GRK1: variants seen among roughly 807,000 people sequenced by gnomAD.
GRK1 encodes the protein G protein-coupled receptor kinase 1, also known as rhodopsin kinase GRK1.
GRK1 carries 28 observed loss-of-function variants against 41.7 expected under a neutral mutation model. The observed-to-expected ratio is 0.67, with a 90% CI of 0.50 to 0.92. The LOEUF is 0.92. Among genes scored for constraint, GRK1 ranks in the 40% least tolerant of loss-of-function variants. GRK1 has a pLI of 0.00. For missense variants in GRK1, 703 were observed against 671.2 expected (o/e 1.05, Z -0.52); for synonymous variants, 327 against 286.7 (o/e 1.14, Z -1.42).
chr13:113,725,214 A>G (rs1165116523), intron 4 of GRK1, among the ~76,000 whole-genome samples: 1 of 152,210 alleles, frequency 6.6e-6, no homozygotes, highest in African/African-American at 2.4e-5. Flanking sequence ...CACCACAGCC[A>G]TAAGAAGCCT....
At chr13:113,732,387 C>T (rs1021709774) in intron 5 of GRK1, among the ~76,000 whole-genome samples, 3 of 152,202 alleles carry the variant, frequency 2.0e-5, no homozygotes, top group Non-Finnish European at 2.9e-5. Context: ...CGTGGGCTGC[C>T]AGGGCAACCC....
Position 113,731,550 on chromosome 13 carries a change from C to A in GRK1, c.1194+207C>A. The A allele has an allele frequency of 3.3e-6, 1 of 301,692 alleles. No homozygotes were observed. The highest frequency in any genetic ancestry group is 1.3e-4 in the South Asian group (1 of 7,692). 18.7% of individuals were successfully genotyped at this position (301,692 alleles called of 1,614,324 possible). ...TGGGTGACGCCCCCAGCCCCTGAGG[C>A]CTGCAGGTGGAGGGGCTGAGGGATT... On this transcript the variant is annotated intron_variant, in intron 5 of 6. Transcript: ENST00000335678. This position sits in a 1 kb window ranked among gnomAD's most constrained non-coding sequence, Gnocchi z 5.6.
At chr13:113,732,462 A>G (rs1302796714) in intron 5 of GRK1, among the ~76,000 whole-genome samples, 1 of 152,118 alleles carries the variant, frequency 6.6e-6, no homozygotes, top group African/African-American at 2.4e-5. Context: ...TTCACACTGT[A>G]CCCACTGGTG....
In GRK1 at chr13:113,670,754, G is replaced by A. The variant is rs374098162; in HGVS notation, c.828-745G>A. On this transcript the variant is annotated intron_variant, in intron 2 of 6. Transcript: ENST00000335678. The stretch of plus-strand genomic sequence containing the variant: ...AGGGGGCGCTGGGAAACGCAGACAC[G>A]GGGTGCCCAGGCGGAGGGGAGGGGG... Among the ~76,000 whole-genome samples, 239 of 113,052 alleles carry A rather than the reference G, an allele frequency of 2.1e-3. 2 individuals carry two copies. The South Asian group carries it at 0.021, about 10-fold the overall frequency. 74.2% of individuals were successfully genotyped at this position (113,052 alleles called of 152,430 possible). A position where few individuals can be genotyped will look rare whatever the true frequency, so the allele number is the denominator to read the frequency against.
chr13:113,732,837 CA>C, intron 5 of GRK1, 46 bp from the exon 6 acceptor site: 1 of 1,531,912 alleles, frequency 6.5e-7, no homozygotes. Context: ...TCTGACCACC[CA>C]AGAGAGGCGG....
intron 4 of GRK1, among the ~76,000 whole-genome samples, chr13:113,730,502 T>TC (rs1442660063): frequency 3.3e-5 from 5 of 150,348 alleles, no homozygotes; most frequent in Non-Finnish European, 7.4e-5. Flanking sequence ...CCCGAGACAG[T>TC]CCCCGGGGCT....
chr13:113,731,269 G>A lies in GRK1; in HGVS notation c.1120G>A (p.Asp374Asn), dbSNP rs1280824040. The A allele has an allele frequency of 6.5e-7, 1 of 1,537,152 alleles. No homozygotes were observed. The highest frequency in any genetic ancestry group is 2.0e-5 in the Admixed American group (1 of 50,988). The change falls in exon 5 of 7, where the codon GAC (aspartate) becomes AAC (asparagine). Residue 374 changes from aspartate (D) to asparagine (N), a missense_variant. Asp to Asn is a conservative substitution (Grantham distance 23). Coordinates refer to ENST00000335678, the MANE Select transcript of GRK1 (RefSeq NM_002929.3). This position sits in a 1 kb window ranked among gnomAD's most constrained non-coding sequence, Gnocchi z 5.6. Reference sequence around the variant, plus strand: ...GGGCGAGGAGTACGACTTCTCCGTGGACTACTTTGCCCTGGGGGTCACCCT... The same window carrying A: ...GGGCGAGGAGTACGACTTCTCCGTGAACTACTTTGCCCTGGGGGTCACCCT... The part of the protein sequence containing the change: ...LQGEEYDFSV[D>N]YFALGVTLYE...
intron 4 of GRK1, among the ~76,000 whole-genome samples, chr13:113,730,588 C>T (rs1254170376): frequency 6.6e-6 from 1 of 151,120 alleles, no homozygotes; most frequent in African/African-American, 2.5e-5. Context: ...CCTGAGTCCC[C>T]GTGGCTGCGC....
At chr13:113,734,467 G>A (rs2049988109) in intron 6 of GRK1, 1 of 152,532 alleles carries the variant, frequency 6.6e-6, no homozygotes, top group African/African-American at 2.4e-5. Flanking sequence ...GTGTCTGCTG[G>A]CACTGGGAGG....
intron 4 of GRK1, among the ~76,000 whole-genome samples, chr13:113,725,189 C>G (rs969725207): frequency 7.9e-5 from 12 of 152,394 alleles, no homozygotes; most frequent in African/African-American, 2.4e-4. Flanking sequence ...CACGCGCCCC[C>G]CACGCAGCGA....
the GRK1 span, among the ~76,000 whole-genome samples, chr13:113,652,475 C>T: frequency 6.6e-6 from 1 of 152,342 alleles, no homozygotes; most frequent in East Asian, 1.9e-4. Context: ...CCCCACACCC[C>T]CTAAGGGGCC....
chr13:113,724,417 G>A (rs36159978), intron 4 of GRK1, among the ~76,000 whole-genome samples: 1 of 152,148 alleles, frequency 6.6e-6, no homozygotes, highest in Non-Finnish European at 1.5e-5. Flanking sequence ...TGGGGAGGCA[G>A]TGCTGTCGCC....
At chr13:113,733,945 C>CGTGTGTGTGCATACGTGTGT (rs2049977107) in intron 6 of GRK1, among the ~76,000 whole-genome samples, 1 of 80,322 alleles carries the variant, frequency 1.2e-5, no homozygotes, top group African/African-American at 5.7e-5. Flanking sequence ...TACGTGTGTG[C>CGTGTGTGTGCATACGTGTGT]GTGTGTGTGC....
chr13:113,654,734 G>C, the GRK1 span: 3 of 1,520,610 alleles, frequency 2.0e-6, no homozygotes, highest in South Asian at 2.6e-5. Context: ...GAGGGCACGG[G>C]TCCCCCGGGC....
chr13:113,653,271 C>CACCTCACCCACCCGCCG, the GRK1 span: 1 of 1,561,548 alleles, frequency 6.4e-7, no homozygotes, highest in Non-Finnish European at 8.8e-7. Flanking sequence ...CGCCGCTTCA[C>CACCTCACCCACCCGCCG]ACCTCACCCA....
intron 4 of GRK1, among the ~76,000 whole-genome samples, chr13:113,728,074 G>GAGT (rs1349741398): frequency 1.1e-5 from 1 of 87,948 alleles, no homozygotes; most frequent in African/African-American, 5.1e-5. Context: ...TGGCGATGAG[G>GAGT]ACCCATGGCA....
chr13:113,658,285 G>T, the GRK1 span: 1 of 749,658 alleles, frequency 1.3e-6, no homozygotes, highest in Non-Finnish European at 2.0e-6. Context: ...GGAGAGGCCA[G>T]GGCCGTTTAT....
chr13:113,656,933 G>A, the GRK1 span, among the ~76,000 whole-genome samples: 1 of 152,052 alleles, frequency 6.6e-6, no homozygotes, highest in East Asian at 1.9e-4. Context: ...CTGGCCTCCC[G>A]CTCTGCCGCC....
At chr13:113,661,737 C>G in the GRK1 span, among the ~76,000 whole-genome samples, 2 of 152,282 alleles carry the variant, frequency 1.3e-5, no homozygotes, top group African/African-American at 4.8e-5. Flanking sequence ...AACTTTACAA[C>G]TTAGATAATG....
Sources: gnomAD v4.1 joint callset for allele counts (sites outside exome capture counted in the v4.1 genomes callset) on GRCh38, gnomAD v4.1.1 for gene constraint, Gnocchi (gnomAD v3.1) non-coding constraint, MANE v1.5 for transcripts, NCBI Gene and HGNC (gene_info 2026-07-23, HGNC 2026-07-21) for gene names.